Variants in COLGALT2 observed in about 807,000 individuals in gnomAD.
The protein encoded by COLGALT2 is procollagen galactosyltransferase 2.
COLGALT2 carries 49 observed loss-of-function variants against 73.4 expected under a neutral mutation model. The ratio of observed to expected loss-of-function variants is 0.67; its 90% confidence interval spans 0.53 to 0.85. The LOEUF (loss-of-function observed/expected upper bound fraction) is 0.85, where lower values mean the gene tolerates loss of function less well. COLGALT2 is among the 40% of genes least tolerant of loss of function. The probability of loss-of-function intolerance (pLI) is 0.00; values close to 1 mark genes in which losing one functional copy is unlikely to be tolerated. For synonymous variants in COLGALT2, 295 were observed against 307.6 expected, an observed-to-expected ratio of 0.96 and a Z score of 0.43; for missense variants, 722 against 790.2, an observed-to-expected ratio of 0.91 and a Z score of 1.03.
intron 6 of COLGALT2, among the ~76,000 whole-genome samples, chr1:183,955,518 G>A (rs1216082925): frequency 6.6e-6 from 1 of 152,130 alleles, no homozygotes; most frequent in Non-Finnish European, 1.5e-5. Context: ...TGTCTAATGG[G>A]AAGATTCCAG....
intron 1 of COLGALT2, among the ~76,000 whole-genome samples, chr1:184,033,808 A>G (rs1649586685): frequency 6.6e-6 from 1 of 152,204 alleles, no homozygotes; most frequent in South Asian, 2.1e-4. Flanking sequence ...ATGCTCCTCT[A>G]GCCTGTGAGT....
intron 1 of COLGALT2, among the ~76,000 whole-genome samples, chr1:183,980,267 C>T (rs891577823): frequency 6.6e-6 from 1 of 151,436 alleles, no homozygotes; most frequent in East Asian, 1.9e-4. Context: ...AGATATAAAA[C>T]AGAAAAAGAG....
At position 183,965,721 on chromosome 1, in the gene COLGALT2, A is replaced by C. The variant is rs549390234; in HGVS notation, c.833-1701T>G. Among the ~76,000 whole-genome samples, 162 of 152,344 alleles carry C rather than the reference A, an allele frequency of 1.1e-3. 4 individuals carry two copies. The highest frequency in any genetic ancestry group is 1.9e-4 in the East Asian group (1 of 5,192). ...GAGGAGTTTGAGGTAATTAGTGATT[A>C]GTTTTGGATCATACTAGTAATAATA... On this transcript the variant is annotated intron_variant, in intron 5 of 11. Coordinates refer to ENST00000361927, the MANE Select transcript of COLGALT2 (RefSeq NM_015101.4).
intron 10 of COLGALT2, 25 bp from the exon 11 acceptor site, chr1:183,940,812 A>G: frequency 6.3e-7 from 1 of 1,590,668 alleles, no homozygotes; most frequent in Non-Finnish European, 8.6e-7. Context: ...CAGAGGAGAA[A>G]AATTCCACCT....
chr1:183,957,778 GTTT>G (rs367921171), intron 6 of COLGALT2, among the ~76,000 whole-genome samples: 78 of 118,910 alleles, frequency 6.6e-4, no homozygotes, highest in Middle Eastern at 4.6e-3. Flanking sequence ...TTTTGTGGTG[GTTT>G]TTTTTTTTTT....
rs1356896869 is a variant in COLGALT2 at position 183,978,413 on chromosome 1, G to A, written c.371C>T (p.Pro124Leu). 2 of 1,580,206 alleles carry A rather than the reference G, an allele frequency of 1.3e-6. No individual in the cohort carries two copies. The highest frequency in any genetic ancestry group is 1.7e-5 in the Admixed American group (1 of 59,674). ...AAATTTCGCACTTGCTACTCACTCT[G>A]GTTCATCCATAGGCCTCCACTCCAC... ...HYVEWRPMDE[P>L]ESYPDEIGPK... The change falls in exon 2 of 12, where the codon CCA (proline) becomes CTA (leucine). Residue 124 changes from proline to leucine, a missense_variant. Coordinates refer to ENST00000361927, the MANE Select transcript of COLGALT2 (RefSeq NM_015101.4).
rs958833116 is a variant in COLGALT2 at position 184,037,639 on chromosome 1, T to C, written c.-282A>G. On this transcript the variant is annotated 5_prime_UTR_variant, in exon 1 of 12. Transcript: ENST00000361927. The stretch of plus-strand genomic sequence containing the variant: ...TCGCAGACAGTAGTGGCCGAGGGGC[T>C]GTGTGCCCTGAGTCCTGAGGAAAGT... 3.8e-6 allele frequency: 4 copies of C among 1,046,196 alleles called. No homozygotes were observed. Among genetic ancestry groups the C allele is most frequent in the Non-Finnish European group, 4.6e-6 (4 of 870,236 alleles). 64.8% of individuals were successfully genotyped at this position (1,046,196 alleles called of 1,614,324 possible). A position where few individuals can be genotyped will look rare whatever the true frequency, so the allele number is the denominator to read the frequency against.
rs1669961907 is a variant in COLGALT2, at chr1:183,936,640, A to G, written c.*2121T>C. 3 of 1,217,480 alleles carry G rather than the reference A, an allele frequency of 2.5e-6. No homozygotes were observed. Among genetic ancestry groups the G allele is most frequent in the Non-Finnish European group, 3.1e-6 (3 of 979,726 alleles). The allele number at this position is 1,217,480 out of a possible 1,614,324, so 75.4% of individuals were successfully genotyped here. On this transcript the variant is annotated 3_prime_UTR_variant, in exon 12 of 12. Coordinates refer to ENST00000361927, the MANE Select transcript of COLGALT2 (RefSeq NM_015101.4). ...AAAAAGTCATTAAAGTCATGCACACATGCACACACTCAAATATGAAAACAA... is the reference window on the plus strand; with the variant it reads ...AAAAAGTCATTAAAGTCATGCACACGTGCACACACTCAAATATGAAAACAA...
At chr1:183,972,508 A>C (rs1671068188) in intron 4 of COLGALT2, among the ~76,000 whole-genome samples, 1 of 152,224 alleles carries the variant, frequency 6.6e-6, no homozygotes, top group Admixed American at 6.5e-5. Context: ...AAATATAACC[A>C]GCCATGAGCA....
intron 11 of COLGALT2, among the ~76,000 whole-genome samples, chr1:183,939,598 A>G (rs1670054230): frequency 6.6e-6 from 1 of 152,184 alleles, no homozygotes; most frequent in African/African-American, 2.4e-5. Context: ...TGTTTAGGGG[A>G]TAATGGTTTG....
chr1:183,944,277 A>C lies in COLGALT2; in HGVS notation c.1316T>G (p.Val439Gly). 2.5e-6 allele frequency: 4 copies of C among 1,614,082 alleles called. No individual in the cohort carries two copies. The highest frequency in any genetic ancestry group is 3.4e-6 in the Non-Finnish European group (4 of 1,179,978). ...LEKTLVIEDD[V>G]RFEHQFKKKL... ...CTTCTTAAACTGATGCTCAAAACGC[A>C]CATCGTCTTCAATTACAAGAGTCTT... is the stretch of plus-strand genomic sequence containing the variant. The change falls in exon 10 of 12, where the codon GTG becomes GGG. Residue 439 changes from valine (V) to glycine (G), a missense_variant. Physicochemically the swap from Val to Gly is moderately radical, Grantham distance 109 (BLOSUM62 -3). Coordinates refer to ENST00000361927, the MANE Select transcript of COLGALT2 (RefSeq NM_015101.4).
At chr1:183,999,042 C>T (rs1671845586) in intron 1 of COLGALT2, among the ~76,000 whole-genome samples, 2 of 151,680 alleles carry the variant, frequency 1.3e-5, no homozygotes, top group African/African-American at 4.9e-5. Context: ...CCTTTTACTT[C>T]CTTTATTTAT....
chr1:183,997,629 G>A (rs1268865434), intron 1 of COLGALT2, among the ~76,000 whole-genome samples: 1 of 152,194 alleles, frequency 6.6e-6, no homozygotes, highest in Non-Finnish European at 1.5e-5. Context: ...ATTTGTGTTG[G>A]GCTGCATTCA....
At chr1:183,930,573 T>TC (rs1279128593) in intron 11 of COLGALT2, among the ~76,000 whole-genome samples, 11 of 90,752 alleles carry the variant, frequency 1.2e-4, no homozygotes, top group Admixed American at 4.4e-4. Flanking sequence ...CTTTTTCTTT[T>TC]TTTTTTTTTT....
intron 4 of COLGALT2, among the ~76,000 whole-genome samples, chr1:183,970,522 C>T (rs911574314): frequency 1.3e-5 from 2 of 152,198 alleles, no homozygotes; most frequent in Non-Finnish European, 2.9e-5. Flanking sequence ...CTGACATTCC[C>T]TTCAGGTTCT....
chr1:183,945,536 G>GT lies in COLGALT2; in HGVS notation c.1164dup (p.Leu389ThrfsTer4). On this transcript the variant is annotated frameshift_variant, in exon 9 of 12. Transcript: ENST00000361927. LOFTEE classifies it high-confidence loss of function. ...TAGCCAGGCAGCATTTCAATATTCA[G>GT]TGCCTTCAGCTGGCTTGTGTTGAGT... 1 of 1,614,158 alleles carries GT rather than the reference G, an allele frequency of 6.2e-7. No individual in the cohort carries two copies. The highest frequency in any genetic ancestry group is 8.5e-7 in the Non-Finnish European group (1 of 1,180,018).
intron 1 of COLGALT2, among the ~76,000 whole-genome samples, chr1:183,998,691 T>A (rs6662690): frequency 0.098 from 14,956 of 152,154 alleles, 1,133 homozygotes; most frequent in East Asian, 0.4. Context: ...AATTTTTCCT[T>A]TCCATGTACA....
chr1:183,953,286 A>G (rs1670456074), intron 7 of COLGALT2, among the ~76,000 whole-genome samples: 1 of 152,128 alleles, frequency 6.6e-6, no homozygotes, highest in African/African-American at 2.4e-5. Flanking sequence ...CTACCATGCT[A>G]TCTCTGTTCC....
Position 183,936,111 on chromosome 1 carries a change from A to G in COLGALT2, c.*2650T>C. ...CCAGAAGATCCCACGTTAGATCCCAAGAGAAATCCAGACAGGGTTTAGCCT... is the reference window on the plus strand; with the variant it reads ...CCAGAAGATCCCACGTTAGATCCCAGGAGAAATCCAGACAGGGTTTAGCCT... On this transcript the variant is annotated 3_prime_UTR_variant, in exon 12 of 12. Transcript: ENST00000361927. 1.0e-6 allele frequency: 1 copy of G among 985,714 alleles called. No homozygotes were observed. The highest frequency in any genetic ancestry group is 1.1e-4 in the East Asian group (1 of 8,818). 61.1% of individuals were successfully genotyped at this position (985,714 alleles called of 1,614,324 possible). A position where few individuals can be genotyped will look rare whatever the true frequency, so the allele number is the denominator to read the frequency against.
Sources: allele counts gnomAD v4.1 joint callset (sites outside exome capture counted in the v4.1 genomes callset), GRCh38; gene constraint gnomAD v4.1.1; transcripts MANE v1.5; gene names NCBI Gene and HGNC (gene_info 2026-07-23, HGNC 2026-07-21).